Variants in PSMA5 observed in about 807,000 individuals in gnomAD.
The protein encoded by PSMA5 is proteasome subunit alpha type-5.
Under a neutral mutation model 34.5 loss-of-function variants are expected in PSMA5, and 3 were observed. That is an observed-to-expected ratio of 0.09 (90% confidence interval 0.04 to 0.22). The LOEUF (loss-of-function observed/expected upper bound fraction) is 0.22, where lower values mean the gene tolerates loss of function less well. Ranked by LOEUF, PSMA5 falls within the 10% of genes least tolerant of loss-of-function variation. PSMA5 has a pLI of 1.00. For synonymous variants in PSMA5, 88 were observed against 95.8 expected (o/e 0.92, Z 0.47); for missense variants, 120 against 286.1 (o/e 0.42, Z 4.19).
chr1:109,425,929 C>G (rs1283585455), intron 1 of PSMA5: 1 of 285,250 alleles, frequency 3.5e-6, no homozygotes, highest in East Asian at 6.2e-5. Flanking sequence ...GCACGTTTAA[C>G]TTTTTGTTTG....
chr1:109,407,125 A>G (rs1653798470), intron 8 of PSMA5, among the ~76,000 whole-genome samples: 1 of 152,128 alleles, frequency 6.6e-6, no homozygotes. Context: ...AGCTGGGACT[A>G]TAGGCGCCCG....
Position 109,415,227 on chromosome 1 carries a change from C to T in PSMA5, c.223+10G>A, listed in dbSNP as rs1228505590. 1.9e-6 allele frequency: 3 copies of T among 1,609,704 alleles called. No individual in the cohort carries two copies. Among genetic ancestry groups the T allele is most frequent in the East Asian group, 2.2e-5 (1 of 44,846 alleles). ...CAGATCCTACAGAACAGCTTTCCTC[C>T]ACTCCTTACCTATGTGAGCATCAAT... On this transcript the variant is annotated intron_variant, in intron 3 of 8. Transcript: ENST00000271308.
intron 1 of PSMA5, among the ~76,000 whole-genome samples, chr1:109,423,303 G>A (rs934888464): frequency 6.6e-6 from 1 of 152,212 alleles, no homozygotes; most frequent in Non-Finnish European, 1.5e-5. Flanking sequence ...GCTGGGCGTG[G>A]TGGCAGGTGC....
At chr1:109,421,462 CAAAAAAAAAAAA>C (rs947075141) in intron 2 of PSMA5, among the ~76,000 whole-genome samples, 67 of 73,720 alleles carry the variant, frequency 9.1e-4, no homozygotes, top group African/African-American at 2.5e-3. Flanking sequence ...GACTCCATCT[CAAAAAAAAAAAA>C]AAAGAAAGAA....
chr1:109,406,805 G>A (rs900498511), intron 8 of PSMA5, among the ~76,000 whole-genome samples: 1 of 152,162 alleles, frequency 6.6e-6, no homozygotes, highest in African/African-American at 2.4e-5. Context: ...TATAATGACT[G>A]GGGTGACAGA....
intron 1 of PSMA5, among the ~76,000 whole-genome samples, chr1:109,423,255 A>G (rs1654519387): frequency 6.6e-6 from 1 of 152,092 alleles, no homozygotes; most frequent in Non-Finnish European, 1.5e-5. Context: ...GCTGGCCAAC[A>G]AGGTGAAACC....
intron 4 of PSMA5, chr1:109,412,394 G>A (rs1465559715): frequency 5.2e-5 from 25 of 482,212 alleles, no homozygotes; most frequent in Admixed American, 1.4e-4. Context: ...TCTACGCAAC[G>A]ACGGACAAGA....
intron 8 of PSMA5, among the ~76,000 whole-genome samples, chr1:109,409,632 A>C (rs1653916995): frequency 6.6e-6 from 1 of 152,242 alleles, no homozygotes; most frequent in South Asian, 2.1e-4. Context: ...ACAATAAAAC[A>C]GCCAGGTGCA....
intron 8 of PSMA5, among the ~76,000 whole-genome samples, chr1:109,407,624 G>T (rs1653831348): frequency 6.6e-6 from 1 of 152,008 alleles, no homozygotes; most frequent in Non-Finnish European, 1.5e-5. Context: ...TTACAGCCTT[G>T]GTTGGCCTTT....
chr1:109,417,129 T>C (rs941468168), intron 2 of PSMA5, among the ~76,000 whole-genome samples: 1 of 152,056 alleles, frequency 6.6e-6, no homozygotes, highest in Non-Finnish European at 1.5e-5. Flanking sequence ...TAAAAATGAA[T>C]GCTCATATTT....
At chr1:109,405,348 A>G (rs1653705830) in intron 8 of PSMA5, among the ~76,000 whole-genome samples, 1 of 152,238 alleles carries the variant, frequency 6.6e-6, no homozygotes, top group Admixed American at 6.5e-5. Context: ...AATGCTTAGC[A>G]AAGTCTCTAA....
At chr1:109,419,524 G>A (rs1404182374) in intron 2 of PSMA5, among the ~76,000 whole-genome samples, 1 of 152,006 alleles carries the variant, frequency 6.6e-6, no homozygotes, top group East Asian at 1.9e-4. Flanking sequence ...AAAAACTTAG[G>A]CCAGGCGCGG....
At chr1:109,426,171 A>T (rs1029938178) in intron 1 of PSMA5, 131 bp downstream of exon 1, 31 of 1,281,154 alleles carry the variant, frequency 2.4e-5, no homozygotes, top group Admixed American at 1.6e-4. Flanking sequence ...TGAGGAGGGC[A>T]TAACATCCCC....
intron 1 of PSMA5, among the ~76,000 whole-genome samples, chr1:109,424,596 G>A (rs1420769922): frequency 6.7e-6 from 1 of 150,258 alleles, no homozygotes; most frequent in Non-Finnish European, 1.5e-5. Context: ...GCCAAGATGA[G>A]GAAACCCTGT....
At chr1:109,426,102 C>G in intron 1 of PSMA5, 200 bp downstream of exon 1, 1 of 664,574 alleles carries the variant, frequency 1.5e-6, no homozygotes, top group Non-Finnish European at 2.6e-6. Context: ...CCAGGGGTGA[C>G]TCAGCGGTAG....
intron 8 of PSMA5, among the ~76,000 whole-genome samples, chr1:109,403,941 A>G (rs976120390): frequency 2.0e-5 from 3 of 152,214 alleles, no homozygotes; most frequent in Non-Finnish European, 4.4e-5. Context: ...AGTCCCAAAT[A>G]TATCTGCAAA....
chr1:109,404,768 T>C (rs948128959), intron 8 of PSMA5, among the ~76,000 whole-genome samples: 11 of 152,264 alleles, frequency 7.2e-5, no homozygotes, highest in Admixed American at 5.2e-4. Context: ...AATTAATTAC[T>C]AAGCACCTGT....
At chr1:109,410,802 T>C (rs1653956913) in intron 7 of PSMA5, among the ~76,000 whole-genome samples, 1 of 151,880 alleles carries the variant, frequency 6.6e-6, no homozygotes, top group African/African-American at 2.4e-5. Flanking sequence ...TAATGGAGAG[T>C]GGTAAACATG....
rs529233167 is a variant in PSMA5 at position 109,424,499 on chromosome 1, C to T, written c.29+1803G>A. On this transcript the variant is annotated intron_variant, in intron 1 of 8. Transcript: ENST00000271308. ...AAACAATTCTTTAAGAGTCTCAGGC[C>T]GAGCGAGGTGGCTCTCGCCTGTAAT... Among the ~76,000 whole-genome samples the T allele has an allele frequency of 4.6e-5, 7 of 152,162 alleles. No individual in the cohort carries two copies. In the East Asian group the frequency reaches 9.8e-4, roughly 21 times the overall value.
Sources: allele counts gnomAD v4.1 joint callset (sites outside exome capture counted in the v4.1 genomes callset), GRCh38; gene constraint gnomAD v4.1.1; transcripts MANE v1.5; gene names NCBI Gene and HGNC (gene_info 2026-07-23, HGNC 2026-07-21).